BBS4: variants seen among roughly 807,000 people sequenced by gnomAD.
The protein encoded by BBS4 is BBSome complex member BBS4.
A neutral mutation model predicts 71.4 loss-of-function variants in BBS4; 58 were observed. The observed-to-expected ratio is 0.81, with a 90% CI of 0.66 to 1.01. BBS4 has a LOEUF of 1.01. Ranked by LOEUF, BBS4 falls within the 50% of genes least tolerant of loss-of-function variation. The probability of loss-of-function intolerance (pLI) is 0.00; values close to 1 mark genes in which losing one functional copy is unlikely to be tolerated. For synonymous variants in BBS4, 228 were observed against 216.8 expected, an observed-to-expected ratio of 1.05 and a Z score of -0.46; for missense variants, 660 against 607.9, an observed-to-expected ratio of 1.09 and a Z score of -0.90.
intron 2 of BBS4, among the ~76,000 whole-genome samples, chr15:72,701,123 A>G (rs887667724): frequency 6.6e-6 from 1 of 152,220 alleles, no homozygotes; most frequent in African/African-American, 2.4e-5. Flanking sequence ...CCTACCAGTC[A>G]TTAACCACCC....
At chr15:72,731,826 C>G in intron 12 of BBS4, 100 bp downstream of exon 12, 1 of 1,405,620 alleles carries the variant, frequency 7.1e-7, no homozygotes. Flanking sequence ...AGGAGCCATT[C>G]CCTTAGAGAT....
At chr15:72,693,330 A>T (rs899245778) in intron 1 of BBS4, among the ~76,000 whole-genome samples, 1 of 152,100 alleles carries the variant, frequency 6.6e-6, no homozygotes, top group Non-Finnish European at 1.5e-5. Flanking sequence ...ATATATTTTC[A>T]TTAAAAGTTT....
At chr15:72,705,656 A>G (rs772878442) in intron 2 of BBS4, among the ~76,000 whole-genome samples, 1 of 138,934 alleles carries the variant, frequency 7.2e-6, no homozygotes, top group African/African-American at 2.6e-5. Flanking sequence ...GCAGTGCACA[A>G]TCATGGTTCA....
intron 6 of BBS4, 151 bp downstream of exon 6, chr15:72,717,001 A>C (rs549530801): frequency 5.5e-5 from 37 of 668,660 alleles, no homozygotes; most frequent in African/African-American, 4.4e-4. Context: ...GTATAGGATC[A>C]AAAACCATGT....
chr15:72,722,763 G>C (rs369606793), intron 6 of BBS4, 31 bp from the exon 7 acceptor site: 19 of 1,603,498 alleles, frequency 1.2e-5, no homozygotes, highest in Admixed American at 1.7e-5. Context: ...AATTACACCT[G>C]AGTTGTTTTC....
At chr15:72,724,483 T>G (rs2065631328) in intron 7 of BBS4, 45 bp from the exon 8 acceptor site, 2 of 1,611,628 alleles carry the variant, frequency 1.2e-6, no homozygotes, top group Non-Finnish European at 1.7e-6. Flanking sequence ...TATAGTTCGT[T>G]CAGTGGTAGT....
intron 8 of BBS4, among the ~76,000 whole-genome samples, chr15:72,727,162 G>C (rs180807640): frequency 2.2e-4 from 33 of 152,302 alleles, no homozygotes; most frequent in African/African-American, 7.7e-4. Flanking sequence ...GCATCTTCTG[G>C]TTCAGGTCTT....
At chr15:72,730,221 G>T (rs1251898186) in intron 10 of BBS4, among the ~76,000 whole-genome samples, 1 of 151,262 alleles carries the variant, frequency 6.6e-6, no homozygotes, top group Non-Finnish European at 1.5e-5. Flanking sequence ...AGCTTGCAGT[G>T]AGCTGAGATC....
intron 2 of BBS4, among the ~76,000 whole-genome samples, chr15:72,697,120 A>G (rs564157719): frequency 9.6e-4 from 146 of 151,994 alleles, no homozygotes; most frequent in African/African-American, 3.4e-3. Flanking sequence ...TTTAGTACAG[A>G]TGGGGTTTCA....
At chr15:72,725,859 A>T (rs1390853885) in intron 8 of BBS4, among the ~76,000 whole-genome samples, 127 of 680 alleles carry the variant, frequency 0.19, 48 homozygotes, top group Non-Finnish European at 0.24. Context: ...CCCTTTCCCC[A>T]TCCCCCTTTC....
chr15:72,713,265 G>C (rs1203734534), intron 4 of BBS4, among the ~76,000 whole-genome samples: 1 of 150,060 alleles, frequency 6.7e-6, no homozygotes, highest in Non-Finnish European at 1.5e-5. Context: ...ATGTGTCCTT[G>C]CTGTCTTTTT....
At chr15:72,735,038 C>A in intron 12 of BBS4, 75 bp from the exon 13 acceptor site, 1 of 1,100,156 alleles carries the variant, frequency 9.1e-7, no homozygotes, top group Admixed American at 1.7e-5. Flanking sequence ...GTGAAGTTTA[C>A]TTTGGGGGTA....
intron 1 of BBS4, among the ~76,000 whole-genome samples, chr15:72,691,911 C>T (rs1021604450): frequency 5.4e-5 from 8 of 149,320 alleles, no homozygotes; most frequent in Non-Finnish European, 1.0e-4. Flanking sequence ...TGCAGTGAGC[C>T]GAGATTGTGC....
At chr15:72,688,573 C>G (rs1166716437) in intron 1 of BBS4, among the ~76,000 whole-genome samples, 1 of 151,994 alleles carries the variant, frequency 6.6e-6, no homozygotes, top group Non-Finnish European at 1.5e-5. Flanking sequence ...ACCACCATGC[C>G]TGGCTTATTT....
intron 4 of BBS4, among the ~76,000 whole-genome samples, chr15:72,714,460 A>G (rs892320232): frequency 3.3e-5 from 5 of 152,094 alleles, no homozygotes; most frequent in Non-Finnish European, 5.9e-5. Context: ...TCCTGACCTC[A>G]GGTGATCCAC....
chr15:72,690,731 G>A (rs2150991018), intron 1 of BBS4, among the ~76,000 whole-genome samples: 1 of 152,210 alleles, frequency 6.6e-6, no homozygotes, highest in East Asian at 1.9e-4. Context: ...CTGTGTCAAT[G>A]GAATTGCTGG....
At chr15:72,686,277 G>A (rs777667167) in intron 1 of BBS4, 26 bp downstream of exon 1, 140 of 1,560,844 alleles carry the variant, frequency 9.0e-5, no homozygotes, top group Non-Finnish European at 1.1e-4. Flanking sequence ...CTCTTTAGTT[G>A]CCCGGCCGCA....
rs1377618677 is a variant in BBS4, at chr15:72,722,848, G to A, written c.459+1G>A. On this transcript the variant is annotated splice_donor_variant, in intron 7 of 15. Transcript: ENST00000268057. LOFTEE classifies it high-confidence loss of function. Reference sequence around the variant, plus strand: ...CATATACCTGAAGCAGTTCAACAAGGTAATTTATAGAAGTGGTGATAGATT... The same window carrying A: ...CATATACCTGAAGCAGTTCAACAAGATAATTTATAGAAGTGGTGATAGATT... 4.3e-6 allele frequency: 7 copies of A among 1,612,546 alleles called. No individual in the cohort carries two copies. In the Admixed American group the frequency reaches 1.2e-4, roughly 27 times the overall value.
At chr15:72,689,803 T>TA (rs947871317) in intron 1 of BBS4, among the ~76,000 whole-genome samples, 2 of 150,804 alleles carry the variant, frequency 1.3e-5, no homozygotes, top group African/African-American at 2.4e-5. Context: ...TTTATTTATT[T>TA]ATTTATTTAT....
Sources: allele counts gnomAD v4.1 joint callset (sites outside exome capture counted in the v4.1 genomes callset), GRCh38; gene constraint gnomAD v4.1.1; transcripts MANE v1.5; gene names NCBI Gene and HGNC (gene_info 2026-07-23, HGNC 2026-07-21).